ADGRG2: variants seen among roughly 807,000 people sequenced by gnomAD.
ADGRG2 encodes adhesion G protein-coupled receptor G2.
Under a neutral mutation model 74.1 loss-of-function variants are expected in ADGRG2, and 26 were observed. The observed-to-expected ratio is 0.35, with a 90% CI of 0.26 to 0.49. ADGRG2 has a LOEUF of 0.49. Among genes scored for constraint, ADGRG2 ranks in the 20% least tolerant of loss-of-function variants. The probability of loss-of-function intolerance (pLI) is 0.99; values close to 1 mark genes in which losing one functional copy is unlikely to be tolerated. For synonymous variants in ADGRG2, 296 were observed against 295.2 expected (o/e 1.00, Z -0.03); for missense variants, 619 against 763.1 (o/e 0.81, Z 2.22).
chrX:19,053,501 T>C (rs2061359774), intron 3 of ADGRG2, among the ~76,000 whole-genome samples: 1 of 111,497 alleles, frequency 9.0e-6, no homozygotes, highest in African/African-American at 3.3e-5. Context: ...GAGCCTAGAC[T>C]CCAAAGACCA....
At chrX:19,052,738 G>A (rs1021667106) in intron 3 of ADGRG2, among the ~76,000 whole-genome samples, 7 of 107,657 alleles carry the variant, frequency 6.5e-5, no homozygotes, top group Non-Finnish European at 1.3e-4. Context: ...TGCCCTGGCT[G>A]GAGTGCAGTG....
intron 1 of ADGRG2, among the ~76,000 whole-genome samples, chrX:19,093,927 ACACACACACACC>A (rs2062053775): frequency 1.1e-5 from 1 of 90,028 alleles, no homozygotes. Flanking sequence ...ACACACACAC[ACACACACACACC>A]CCATGGAATA....
intron 1 of ADGRG2, among the ~76,000 whole-genome samples, chrX:19,096,490 TG>T (rs1470458018): frequency 9.0e-6 from 1 of 111,043 alleles, no homozygotes; most frequent in Non-Finnish European, 1.9e-5. Flanking sequence ...TGATTCTGCC[TG>T]GATAAAAATG....
chrX:19,002,842 A>G lies in ADGRG2; in HGVS notation c.2230+4T>C, dbSNP rs774557974. 1.1e-5 allele frequency: 13 copies of G among 1,206,938 alleles called. No individual in the cohort carries two copies. The East Asian group carries it at 3.3e-4, about 30-fold the overall frequency. Reference sequence around the variant, plus strand: ...AGGCAACATGCAGGCAAGCTTATACATACCCCAACCGACAATGCAGAATTT... The same window carrying G: ...AGGCAACATGCAGGCAAGCTTATACGTACCCCAACCGACAATGCAGAATTT... On this transcript the variant is annotated splice_donor_region_variant and intron_variant, in intron 24 of 28. Coordinates refer to ENST00000379869, the MANE Select transcript of ADGRG2 (RefSeq NM_001079858.3).
intron 1 of ADGRG2, among the ~76,000 whole-genome samples, chrX:19,106,032 A>G (rs1489466734): frequency 9.0e-6 from 1 of 110,501 alleles, no homozygotes. Context: ...AAACACAGAT[A>G]GAATGGACAC....
intron 24 of ADGRG2, among the ~76,000 whole-genome samples, chrX:19,000,320 A>G (rs1179714800): frequency 1.8e-5 from 2 of 111,781 alleles, no homozygotes; most frequent in African/African-American, 3.3e-5. Context: ...TCTAATAACC[A>G]AAGTGGGTGA....
intron 19 of ADGRG2, among the ~76,000 whole-genome samples, chrX:19,007,558 G>A (rs1306950745): frequency 8.9e-6 from 1 of 112,297 alleles, no homozygotes; most frequent in African/African-American, 3.2e-5. Flanking sequence ...TAAATACTGA[G>A]CTAAAGCGCA....
intron 1 of ADGRG2, among the ~76,000 whole-genome samples, chrX:19,083,170 A>ATTTTTTTTTTT (rs58522004): frequency 4.8e-5 from 4 of 83,190 alleles, no homozygotes; most frequent in African/African-American, 9.5e-5. Flanking sequence ...CACCCGGCTA[A>ATTTTTTTTTTT]TTTTTTTTTT....
At chrX:19,012,630 C>CAAAAAAAA in intron 16 of ADGRG2, among the ~76,000 whole-genome samples, 1 of 33,081 alleles carries the variant, frequency 3.0e-5, no homozygotes, top group Non-Finnish European at 6.4e-5. Context: ...CCAAAGCTAC[C>CAAAAAAAA]AAAAAAAAAA....
At chrX:19,065,261 C>CA (rs749063279) in intron 3 of ADGRG2, among the ~76,000 whole-genome samples, 230 of 10,984 alleles carry the variant, frequency 0.021, 2 homozygotes, top group East Asian at 0.051. Flanking sequence ...GATCCTGTCT[C>CA]AAAAAAAAAA....
At chrX:19,069,798 C>T (rs1397194669) in intron 2 of ADGRG2, among the ~76,000 whole-genome samples, 1 of 111,910 alleles carries the variant, frequency 8.9e-6, no homozygotes, top group Non-Finnish European at 1.9e-5. Context: ...GAGCCACTTT[C>T]ATCAGCAATA....
rs868846827 is a variant in ADGRG2 at position 19,066,008 on chromosome X, G to A, written c.118+2709C>T. Among the ~76,000 whole-genome samples, 5 of 111,614 alleles carry A rather than the reference G, an allele frequency of 4.5e-5. No homozygotes were observed. The South Asian group carries it at 1.5e-3, about 34-fold the overall frequency. The stretch of plus-strand genomic sequence containing the variant: ...ATTATAGGCGTGCACCACCACGCCC[G>A]GCTAATTTTTTGCATTTTTAGTAGA... On this transcript the variant is annotated intron_variant, in intron 3 of 28. Transcript: ENST00000379869.
intron 1 of ADGRG2, among the ~76,000 whole-genome samples, chrX:19,103,593 T>C (rs12006670): frequency 0.059 from 6,581 of 111,558 alleles, 512 homozygotes; most frequent in African/African-American, 0.2. Context: ...CCTCTTTTAG[T>C]AACAGTAGCA....
intron 3 of ADGRG2, among the ~76,000 whole-genome samples, chrX:19,042,372 G>A (rs1419930279): frequency 9.0e-6 from 1 of 111,014 alleles, no homozygotes; most frequent in Non-Finnish European, 1.9e-5. Flanking sequence ...GAAGGCACCT[G>A]GGAAGAGTTA....
chrX:19,062,852 T>C (rs2061507927), intron 3 of ADGRG2, among the ~76,000 whole-genome samples: 1 of 110,625 alleles, frequency 9.0e-6, no homozygotes, highest in Non-Finnish European at 1.9e-5. Context: ...GGATTGTAGC[T>C]CATGAGATCA....
intron 1 of ADGRG2, among the ~76,000 whole-genome samples, chrX:19,093,922 CA>C (rs2062053092): frequency 9.1e-6 from 1 of 109,783 alleles, no homozygotes; most frequent in African/African-American, 3.4e-5. Flanking sequence ...CACACACACA[CA>C]CACACACACA....
intron 3 of ADGRG2, among the ~76,000 whole-genome samples, chrX:19,056,064 A>C (rs1419321866): frequency 9.1e-6 from 1 of 110,313 alleles, no homozygotes; most frequent in Non-Finnish European, 1.9e-5. Flanking sequence ...CCAGGCCTGG[A>C]GGTGGCACAC....
chrX:19,061,817 C>T (rs967080810), intron 3 of ADGRG2, among the ~76,000 whole-genome samples: 10 of 111,955 alleles, frequency 8.9e-5, no homozygotes, highest in African/African-American at 1.6e-4. Context: ...CTGAGAATGG[C>T]GTGCTAGGGC....
At chrX:19,015,994 A>T (rs920515846) in intron 15 of ADGRG2, among the ~76,000 whole-genome samples, 1 of 111,930 alleles carries the variant, frequency 8.9e-6, no homozygotes, top group Non-Finnish European at 1.9e-5. Flanking sequence ...CCCTCCATCC[A>T]CTGTGAGGCA....
Sources: gnomAD v4.1 joint callset for allele counts (sites outside exome capture counted in the v4.1 genomes callset) on GRCh38, gnomAD v4.1.1 for gene constraint, MANE v1.5 for transcripts, NCBI Gene and HGNC (gene_info 2026-07-23, HGNC 2026-07-21) for gene names.